Variants in TLN2 observed in about 807,000 individuals in gnomAD.
TLN2 encodes the protein talin-2.
A neutral mutation model predicts 294.7 loss-of-function variants in TLN2; 118 were observed. The ratio of observed to expected loss-of-function variants is 0.40; its 90% CI spans 0.34 to 0.47. TLN2 has a LOEUF of 0.47. TLN2 is among the 20% of genes least tolerant of loss of function. The pLI, the probability that TLN2 is intolerant of heterozygous loss-of-function variation, is 0.84. For missense variants in TLN2, 3,083 were observed against 3,282.2 expected (o/e 0.94, Z 1.48); for synonymous variants, 1,431 against 1,304.5 (o/e 1.10, Z -2.09).
intron 1 of TLN2, among the ~76,000 whole-genome samples, chr15:62,421,700 GATCAGAGA>G (rs1197028657): frequency 6.6e-6 from 1 of 151,874 alleles, no homozygotes; most frequent in East Asian, 1.9e-4. Flanking sequence ...GGAGAGAGAG[GATCAGAGA>G]AAATAACCCA....
chr15:62,772,394 G>A (rs142939886), intron 42 of TLN2, among the ~76,000 whole-genome samples: 5 of 152,210 alleles, frequency 3.3e-5, no homozygotes, highest in Non-Finnish European at 7.4e-5. Flanking sequence ...AAAATAAGTT[G>A]AGTTGCTGAA....
rs1265817293 is a variant in TLN2, at chr15:62,511,934, C to T, written c.-237-77753C>T. 2.0e-4 allele frequency among the ~76,000 whole-genome samples: 30 copies of T among 152,070 alleles called. 1 individual carries two copies. Among genetic ancestry groups the T allele is most frequent in the Admixed American group, 1.9e-3 (29 of 15,274 alleles). On this transcript the variant is annotated intron_variant, in intron 1 of 58. Transcript: ENST00000636159. ...CTCAAAACCCAGCAGTAACCCTGGT[C>T]GATTTTGCACCTGTGCCTGAAATGC...
chr15:62,721,041 A>G (rs1020731980), intron 25 of TLN2, among the ~76,000 whole-genome samples: 1 of 152,228 alleles, frequency 6.6e-6, no homozygotes, highest in Non-Finnish European at 1.5e-5. Context: ...ATTGTAGGGC[A>G]TTAAGATAGA....
chr15:62,582,739 G>T (rs1395417135), intron 1 of TLN2, among the ~76,000 whole-genome samples: 1 of 152,138 alleles, frequency 6.6e-6, no homozygotes, highest in Non-Finnish European at 1.5e-5. Context: ...CCAGGAACTT[G>T]GCCTTGAGTT....
chr15:62,477,211 AAC>A (rs1228624347), intron 1 of TLN2, among the ~76,000 whole-genome samples: 1 of 152,170 alleles, frequency 6.6e-6, no homozygotes, highest in Admixed American at 6.5e-5. Context: ...ATCTTGTTAA[AAC>A]ACAGATCCTA....
chr15:62,624,470 C>A (rs202080622), intron 3 of TLN2, among the ~76,000 whole-genome samples: 2 of 152,130 alleles, frequency 1.3e-5, no homozygotes, highest in Non-Finnish European at 2.9e-5. Flanking sequence ...GGTGATAGGA[C>A]GCATGAATGT....
At position 62,417,690 on chromosome 15, in the gene TLN2, A is replaced by G. The variant is rs114060130; in HGVS notation, c.-238+27005A>G. Among the ~76,000 whole-genome samples the G allele has an allele frequency of 8.1e-3, 1,236 of 152,334 alleles. 19 individuals carry two copies. Among genetic ancestry groups the G allele is most frequent in the African/African-American group, 0.028 (1,171 of 41,572 alleles). On this transcript the variant is annotated intron_variant, in intron 1 of 58. Coordinates refer to ENST00000636159, the MANE Select transcript of TLN2 (RefSeq NM_015059.3). The stretch of plus-strand genomic sequence containing the variant: ...AATTTAGAGCTAAGAAAAGCTTCTC[A>G]GGGCTACAGGCTCTGGTGGTAGAGA...
At chr15:62,779,735 C>T (rs558619912) in intron 43 of TLN2, among the ~76,000 whole-genome samples, 40 of 152,356 alleles carry the variant, frequency 2.6e-4, no homozygotes, top group Admixed American at 4.6e-4. Context: ...AATTCAGTCT[C>T]CTTTGACTAG....
At chr15:62,710,748 T>G (rs2059376648) in intron 21 of TLN2, among the ~76,000 whole-genome samples, 1 of 54,326 alleles carries the variant, frequency 1.8e-5, no homozygotes, top group African/African-American at 4.0e-5. Context: ...TTTTTTTTGA[T>G]GGAGTCTTGC....
chr15:62,530,664 C>A (rs1242624597), intron 1 of TLN2, among the ~76,000 whole-genome samples: 1 of 152,154 alleles, frequency 6.6e-6, no homozygotes, highest in Non-Finnish European at 1.5e-5. Flanking sequence ...CCTAGAAATA[C>A]AAATTTAAAA....
At chr15:62,512,866 G>T (rs539582980) in intron 1 of TLN2, among the ~76,000 whole-genome samples, 5 of 152,190 alleles carry the variant, frequency 3.3e-5, no homozygotes, top group African/African-American at 1.2e-4. Flanking sequence ...GTTTGGATTG[G>T]TAACAGTATC....
chr15:62,719,804 T>C lies in TLN2; in HGVS notation c.2915T>C (p.Val972Ala). 6.2e-7 allele frequency: 1 copy of C among 1,610,796 alleles called. No individual in the cohort carries two copies. Among genetic ancestry groups the C allele is most frequent in the Non-Finnish European group, 8.5e-7 (1 of 1,178,404 alleles). Reference sequence around the variant, plus strand: ...CACATCCCTCAGCTGGTCCAGGGAGTGAGGGGGAGCCAAGCTCAAGCTGAA... The same window carrying C: ...CACATCCCTCAGCTGGTCCAGGGAGCGAGGGGGAGCCAAGCTCAAGCTGAA... The part of the protein sequence containing the change: ...ADHIPQLVQG[V>A]RGSQAQAEDL... The change falls in exon 25 of 59, where the codon GTG becomes GCG. Residue 972 changes from valine to alanine, a missense_variant. Coordinates refer to ENST00000636159, the MANE Select transcript of TLN2 (RefSeq NM_015059.3).
intron 43 of TLN2, 36 bp downstream of exon 43, chr15:62,776,946 C>A: frequency 7.0e-7 from 1 of 1,426,680 alleles, no homozygotes; most frequent in South Asian, 1.6e-5. Flanking sequence ...ACTCCCTTAT[C>A]TCCCTCACCC....
intron 4 of TLN2, among the ~76,000 whole-genome samples, chr15:62,647,768 A>G (rs958184043): frequency 2.6e-5 from 4 of 152,178 alleles, no homozygotes; most frequent in African/African-American, 9.7e-5. Flanking sequence ...CTGCCCTAAC[A>G]GTATTGGCGG....
At chr15:62,552,208 G>C (rs1392000995) in intron 1 of TLN2, among the ~76,000 whole-genome samples, 3 of 152,184 alleles carry the variant, frequency 2.0e-5, no homozygotes, top group African/African-American at 4.8e-5. Context: ...TAATCACTGA[G>C]TTAGCAGAGA....
chr15:62,775,563 T>C (rs2063661896), intron 42 of TLN2, among the ~76,000 whole-genome samples: 1 of 152,236 alleles, frequency 6.6e-6, no homozygotes, highest in Admixed American at 6.5e-5. Context: ...GAATAACTTT[T>C]CTTGCTTCCT....
intron 9 of TLN2, among the ~76,000 whole-genome samples, chr15:62,666,539 T>C (rs1380374596): frequency 1.3e-5 from 2 of 152,340 alleles, no homozygotes; most frequent in Non-Finnish European, 2.9e-5. Flanking sequence ...TTCTTTATAA[T>C]TGAATTATAA....
intron 1 of TLN2, among the ~76,000 whole-genome samples, chr15:62,560,988 A>G (rs1322239762): frequency 2.6e-5 from 4 of 152,240 alleles, no homozygotes; most frequent in Admixed American, 2.0e-4. Context: ...TTCCATTTGT[A>G]CAGAATGTCG....
At chr15:62,419,109 GT>G (rs2034247353) in intron 1 of TLN2, among the ~76,000 whole-genome samples, 1 of 152,126 alleles carries the variant, frequency 6.6e-6, no homozygotes, top group African/African-American at 2.4e-5. Context: ...GATATGTGCT[GT>G]AAATGTAAAA....
Sources: allele counts gnomAD v4.1 joint callset (sites outside exome capture counted in the v4.1 genomes callset), GRCh38; gene constraint gnomAD v4.1.1; transcripts MANE v1.5; gene names NCBI Gene and HGNC (gene_info 2026-07-23, HGNC 2026-07-21).